KCNH8: variants seen among roughly 807,000 people sequenced by gnomAD.
KCNH8 encodes the protein potassium voltage-gated channel subfamily H member 8.
Under a neutral mutation model 103.6 loss-of-function variants are expected in KCNH8, and 70 were observed. The observed-to-expected ratio is 0.68, with a 90% CI of 0.56 to 0.82. The LOEUF (loss-of-function observed/expected upper bound fraction) is 0.82, where lower values mean the gene tolerates loss of function less well. Among genes scored for constraint, KCNH8 ranks in the 40% least tolerant of loss-of-function variants. The probability of loss-of-function intolerance (pLI) is 0.00; values close to 1 mark genes in which losing one functional copy is unlikely to be tolerated. For missense variants in KCNH8, 1,217 were observed against 1,329.9 expected (o/e 0.92, Z 1.32); for synonymous variants, 498 against 489.4 (o/e 1.02, Z -0.23).
chr3:19,316,249 G>C (rs1424435947), intron 3 of KCNH8, among the ~76,000 whole-genome samples: 1 of 151,780 alleles, frequency 6.6e-6, no homozygotes, highest in Admixed American at 6.6e-5. Flanking sequence ...TGCATTGTAG[G>C]ATTTTTAGCA....
intron 1 of KCNH8, among the ~76,000 whole-genome samples, chr3:19,206,481 C>T (rs1206850227): frequency 6.6e-6 from 1 of 151,650 alleles, no homozygotes; most frequent in East Asian, 1.9e-4. Context: ...TTTCAGGAAG[C>T]TTGAAAGACA....
chr3:19,415,325 T>C (rs971531310), intron 7 of KCNH8, among the ~76,000 whole-genome samples: 5 of 151,108 alleles, frequency 3.3e-5, no homozygotes, highest in African/African-American at 1.2e-4. Flanking sequence ...TAACTTGTCC[T>C]AAATCACAAT....
At chr3:19,200,275 T>G (rs944159994) in intron 1 of KCNH8, among the ~76,000 whole-genome samples, 2 of 152,012 alleles carry the variant, frequency 1.3e-5, no homozygotes, top group African/African-American at 2.4e-5. Flanking sequence ...TGGCTGAAAA[T>G]GTATTCAGAC....
At chr3:19,447,762 C>T (rs2067383799) in intron 8 of KCNH8, among the ~76,000 whole-genome samples, 1 of 151,914 alleles carries the variant, frequency 6.6e-6, no homozygotes, top group South Asian at 2.1e-4. Flanking sequence ...AACTGCTGTG[C>T]TTCTAAAACA....
chr3:19,162,904 G>C (rs1442668166), intron 1 of KCNH8, among the ~76,000 whole-genome samples: 1 of 152,036 alleles, frequency 6.6e-6, no homozygotes, highest in Non-Finnish European at 1.5e-5. Context: ...CAAAATTTGG[G>C]GGAAAAGTAG....
chr3:19,281,615 A>G (rs1178110210), intron 3 of KCNH8, among the ~76,000 whole-genome samples: 1 of 152,088 alleles, frequency 6.6e-6, no homozygotes, highest in African/African-American at 2.4e-5. Context: ...GATTAACACC[A>G]CTTCATTGTA....
chr3:19,476,072 A>G (rs2067968580), intron 11 of KCNH8, among the ~76,000 whole-genome samples: 1 of 152,178 alleles, frequency 6.6e-6, no homozygotes, highest in South Asian at 2.1e-4. Flanking sequence ...TAATTCTTCA[A>G]TCTTAAGTTT....
At chr3:19,328,818 C>A (rs567718736) in intron 3 of KCNH8, among the ~76,000 whole-genome samples, 2 of 152,164 alleles carry the variant, frequency 1.3e-5, no homozygotes, top group African/African-American at 4.8e-5. Context: ...ATAAAAGAAT[C>A]CTATTTCTGT....
chr3:19,182,486 G>T (rs1049534353), intron 1 of KCNH8, among the ~76,000 whole-genome samples: 1 of 152,140 alleles, frequency 6.6e-6, no homozygotes, highest in Non-Finnish European at 1.5e-5. Context: ...AGCCAAGATC[G>T]CGCCACTGCA....
intron 2 of KCNH8, among the ~76,000 whole-genome samples, chr3:19,271,104 C>T (rs77207890): frequency 0.026 from 4,018 of 152,228 alleles, 169 homozygotes; most frequent in African/African-American, 0.091. Context: ...AGATCATTCA[C>T]TCCTGTGATA....
intron 2 of KCNH8, among the ~76,000 whole-genome samples, chr3:19,260,637 A>C (rs1042400282): frequency 6.7e-6 from 1 of 148,302 alleles, no homozygotes; most frequent in African/African-American, 2.5e-5. Context: ...CTCATTTAGC[A>C]AAAATCCCAA....
chr3:19,154,101 C>A (rs778403386), intron 1 of KCNH8, among the ~76,000 whole-genome samples: 2 of 152,088 alleles, frequency 1.3e-5, no homozygotes, highest in Admixed American at 6.5e-5. Flanking sequence ...AAGGTGCAGA[C>A]AAAGGGCTAT....
intron 5 of KCNH8, among the ~76,000 whole-genome samples, chr3:19,387,084 A>G (rs1391659970): frequency 6.6e-6 from 1 of 152,152 alleles, no homozygotes; most frequent in Non-Finnish European, 1.5e-5. Flanking sequence ...CCACATCCTC[A>G]CCACTGGATA....
At chr3:19,421,203 T>A (rs1318242402) in intron 7 of KCNH8, among the ~76,000 whole-genome samples, 1 of 152,180 alleles carries the variant, frequency 6.6e-6, no homozygotes, top group African/African-American at 2.4e-5. Flanking sequence ...AAATGCTCTA[T>A]TTCATGTAAG....
At chr3:19,166,192 A>T (rs887448977) in intron 1 of KCNH8, among the ~76,000 whole-genome samples, 1 of 152,178 alleles carries the variant, frequency 6.6e-6, no homozygotes, top group African/African-American at 2.4e-5. Flanking sequence ...AAGTTATTTT[A>T]AAAAAGGTTA....
At chr3:19,380,024 T>G (rs557114818) in intron 5 of KCNH8, among the ~76,000 whole-genome samples, 1 of 152,334 alleles carries the variant, frequency 6.6e-6, no homozygotes, top group African/African-American at 2.4e-5. Flanking sequence ...AAAGTTTTGC[T>G]TATTAATCCT....
intron 2 of KCNH8, among the ~76,000 whole-genome samples, chr3:19,254,301 G>A (rs1477187284): frequency 6.6e-6 from 1 of 151,790 alleles, no homozygotes; most frequent in Non-Finnish European, 1.5e-5. Context: ...TAAAGACAGA[G>A]ATCTGTGTGT....
At chr3:19,219,963 T>G (rs1354368567) in intron 1 of KCNH8, among the ~76,000 whole-genome samples, 1 of 152,194 alleles carries the variant, frequency 6.6e-6, no homozygotes, top group Non-Finnish European at 1.5e-5. Flanking sequence ...CTGGCTTCAC[T>G]GGAGAGGACA....
At chr3:19,370,235 C>G (rs2066069411) in intron 5 of KCNH8, among the ~76,000 whole-genome samples, 1 of 151,946 alleles carries the variant, frequency 6.6e-6, no homozygotes, top group Non-Finnish European at 1.5e-5. Flanking sequence ...TTATAATTAC[C>G]TATTTGCTTG....
Sources: gnomAD v4.1 joint callset for allele counts (sites outside exome capture counted in the v4.1 genomes callset) on GRCh38, gnomAD v4.1.1 for gene constraint, MANE v1.5 for transcripts, NCBI Gene and HGNC (gene_info 2026-07-23, HGNC 2026-07-21) for gene names.